Variants in TAF3 observed in about 807,000 individuals in gnomAD.
TAF3 encodes TATA-box binding protein associated factor 3.
TAF3 carries 7 observed loss-of-function variants against 80.6 expected under a neutral mutation model. The observed-to-expected ratio is 0.09, with a 90% CI of 0.05 to 0.16. The LOEUF (loss-of-function observed/expected upper bound fraction) is 0.16. Ranked by LOEUF, TAF3 falls within the 10% of genes least tolerant of loss-of-function variation. TAF3 has a pLI of 1.00. For missense variants in TAF3, 921 were observed against 1,140.2 expected (o/e 0.81, Z 2.77); for synonymous variants, 444 against 446.1 (o/e 1.00, Z 0.06).
At position 7,818,701 on chromosome 10, in the gene TAF3, C is replaced by G. The variant is rs1388030710; in HGVS notation, c.-9C>G. The G allele has an allele frequency of 6.2e-7, 1 of 1,601,968 alleles. No homozygotes were observed. Among genetic ancestry groups the G allele is most frequent in the Non-Finnish European group, 8.5e-7 (1 of 1,175,814 alleles). ...GCAGCAAGGGCTGCGGTGGCGTCCA[C>G]GCAGCGGGATGTGCGAGAGTTACTC... On this transcript the variant is annotated 5_prime_UTR_variant, in exon 1 of 7. Transcript: ENST00000344293.
Position 8,009,256 on chromosome 10 carries a change from G to T in TAF3, c.2494G>T (p.Gly832Cys). 6.5e-7 allele frequency: 1 copy of T among 1,543,832 alleles called. No individual in the cohort carries two copies. The highest frequency in any genetic ancestry group is 8.7e-7 in the Non-Finnish European group (1 of 1,148,112). Residue 832 changes from glycine (G) to cysteine (C), a missense_variant, in exon 5 of 7, where the codon GGT (glycine) becomes TGT (cysteine). Physicochemically the swap from Gly to Cys is radical, Grantham distance 159 (BLOSUM62 -3). Coordinates refer to ENST00000344293, the MANE Select transcript of TAF3 (RefSeq NM_031923.4). This position sits in a 1 kb window ranked among gnomAD's most constrained non-coding sequence, Gnocchi z 4.1. Reference sequence around the variant, plus strand: ...GGGCCCTGCCCTGCTGCCCTCCCCGGGTCCCGCCGCCTCCGGGGCCAGTGC... The same window carrying T: ...GGGCCCTGCCCTGCTGCCCTCCCCGTGTCCCGCCGCCTCCGGGGCCAGTGC... The part of the protein sequence containing the change: ...AAGPALLPSP[G>C]PAASGASAKA...
intron 2 of TAF3, among the ~76,000 whole-genome samples, chr10:7,856,851 T>G (rs1048902983): frequency 8.5e-6 from 1 of 117,216 alleles, no homozygotes; most frequent in Non-Finnish European, 1.7e-5. Flanking sequence ...GTTTAACAGC[T>G]GGTTCTCAAA....
At chr10:8,002,409 C>T (rs926536412) in intron 4 of TAF3, among the ~76,000 whole-genome samples, 2 of 152,174 alleles carry the variant, frequency 1.3e-5, no homozygotes, top group African/African-American at 4.8e-5. Flanking sequence ...ATCATGTCAT[C>T]TGGAAAATTA....
chr10:8,004,191 C>T (rs900161246), intron 4 of TAF3, among the ~76,000 whole-genome samples: 4 of 151,990 alleles, frequency 2.6e-5, no homozygotes, highest in African/African-American at 9.7e-5. Context: ...GCTGGGATTA[C>T]AGGTCTGCGC....
At chr10:7,819,216 A>G (rs961740546) in intron 1 of TAF3, among the ~76,000 whole-genome samples, 1 of 151,862 alleles carries the variant, frequency 6.6e-6, no homozygotes, top group African/African-American at 2.4e-5. Flanking sequence ...AGCGTGCCCT[A>G]CACCCTCTTT....
intron 4 of TAF3, among the ~76,000 whole-genome samples, chr10:7,995,171 T>C (rs1485775869): frequency 1.3e-5 from 2 of 152,152 alleles, no homozygotes; most frequent in African/African-American, 4.8e-5. Flanking sequence ...TACATTTCAC[T>C]ATGGATATGC....
chr10:7,893,225 T>C (rs1388503227), intron 2 of TAF3, among the ~76,000 whole-genome samples: 4 of 152,216 alleles, frequency 2.6e-5, no homozygotes, highest in Non-Finnish European at 4.4e-5. Flanking sequence ...TAGAACTTAG[T>C]ATCTTTTAAA....
chr10:7,830,695 G>A (rs1195836847), intron 2 of TAF3, among the ~76,000 whole-genome samples: 1 of 151,954 alleles, frequency 6.6e-6, no homozygotes, highest in African/African-American at 2.4e-5. Flanking sequence ...TGTTGGCCAG[G>A]CTGGTCTGGA....
chr10:8,015,927 A>C lies in TAF3; in HGVS notation c.*1176A>C. 1 of 151,890 alleles carries C rather than the reference A, an allele frequency of 6.6e-6. No homozygotes were observed. The highest frequency in any genetic ancestry group is 1.9e-4 in the East Asian group (1 of 5,202). The allele number at this position is 151,890 out of a possible 1,614,324, so 9.4% of individuals were successfully genotyped here. On this transcript the variant is annotated 3_prime_UTR_variant, in exon 7 of 7. Coordinates refer to ENST00000344293, the MANE Select transcript of TAF3 (RefSeq NM_031923.4). ...TCTTTATATTGTTTTATTTCTACAA[A>C]TCTGTTCATTAATATTGTGCTTTAA...
rs927311424 is a variant in TAF3, at chr10:8,014,791, C to A, written c.*40C>A. ...CTGGACCAAGCGGGGTCAGCCCGGGCTTCTTCCCTGGCGCCTCTGGAAGGG... is the reference window on the plus strand; with the variant it reads ...CTGGACCAAGCGGGGTCAGCCCGGGATTCTTCCCTGGCGCCTCTGGAAGGG... On this transcript the variant is annotated 3_prime_UTR_variant, in exon 7 of 7. Coordinates refer to ENST00000344293, the MANE Select transcript of TAF3 (RefSeq NM_031923.4). 3.3e-6 allele frequency: 5 copies of A among 1,525,404 alleles called. No individual in the cohort carries two copies. Among genetic ancestry groups the A allele is most frequent in the Non-Finnish European group, 4.4e-6 (5 of 1,129,622 alleles). The allele number at this position is 1,525,404 out of a possible 1,614,324, so 94.5% of individuals were successfully genotyped here.
At chr10:7,863,782 A>G (rs1246712585) in intron 2 of TAF3, among the ~76,000 whole-genome samples, 3 of 134,544 alleles carry the variant, frequency 2.2e-5, no homozygotes, top group Non-Finnish European at 3.1e-5. Flanking sequence ...ACATGTCTCC[A>G]TTTTTTAAAG....
chr10:7,845,913 A>T (rs543318829), intron 2 of TAF3, among the ~76,000 whole-genome samples: 1 of 150,206 alleles, frequency 6.7e-6, no homozygotes, highest in Non-Finnish European at 1.5e-5. Context: ...TGGTTGAAAA[A>T]GTTTGATTTC....
chr10:8,006,982 A>G (rs1832000538), intron 4 of TAF3, among the ~76,000 whole-genome samples: 1 of 152,206 alleles, frequency 6.6e-6, no homozygotes, highest in Non-Finnish European at 1.5e-5. Flanking sequence ...TAGTAGAAAG[A>G]GACAAGCTGG....
intron 2 of TAF3, among the ~76,000 whole-genome samples, chr10:7,851,720 A>G (rs1837028299): frequency 6.6e-6 from 1 of 152,162 alleles, no homozygotes; most frequent in Non-Finnish European, 1.5e-5. Flanking sequence ...ATATAACTCT[A>G]AAAGATAACT....
At chr10:7,861,194 G>T (rs1334474661) in intron 2 of TAF3, among the ~76,000 whole-genome samples, 1 of 152,144 alleles carries the variant, frequency 6.6e-6, no homozygotes, top group Non-Finnish European at 1.5e-5. Context: ...TCGATCTCCT[G>T]ACCTCGTGAT....
At chr10:7,843,810 A>G (rs750596813) in intron 2 of TAF3, among the ~76,000 whole-genome samples, 77 of 152,206 alleles carry the variant, frequency 5.1e-4, no homozygotes, top group Non-Finnish European at 8.5e-4. Flanking sequence ...ACTACATATT[A>G]TGTAGTGAAA....
At chr10:7,957,352 A>T (rs77550535) in intron 2 of TAF3, among the ~76,000 whole-genome samples, 6,610 of 152,220 alleles carry the variant, frequency 0.043, 255 homozygotes, top group Admixed American at 0.11. Flanking sequence ...CTAACTCTGG[A>T]TGTGTGCTGC....
chr10:7,963,833 TC>T, intron 2 of TAF3, 86 bp from the exon 3 acceptor site: 2 of 1,270,158 alleles, frequency 1.6e-6, no homozygotes, highest in Non-Finnish European at 2.1e-6. Context: ...AAAAAAGAAA[TC>T]ATATTTGAAG....
At position 8,004,009 on chromosome 10, in the gene TAF3, A is replaced by G. The variant is rs115890604; in HGVS notation, c.2316-5069A>G. On this transcript the variant is annotated intron_variant, in intron 4 of 6. Transcript: ENST00000344293. ...GTTCATTGTCGTTACTTTTAAATGA[A>G]TTACTAAATATTTTTAAACTTTTCA... Among the ~76,000 whole-genome samples the G allele has an allele frequency of 7.9e-3, 1,209 of 152,240 alleles. 14 individuals are homozygous for G. Among genetic ancestry groups the G allele is most frequent in the African/African-American group, 0.027 (1,141 of 41,534 alleles).
Sources: gnomAD v4.1 joint callset for allele counts (sites outside exome capture counted in the v4.1 genomes callset) on GRCh38, gnomAD v4.1.1 for gene constraint, Gnocchi (gnomAD v3.1) non-coding constraint, MANE v1.5 for transcripts, NCBI Gene and HGNC (gene_info 2026-07-23, HGNC 2026-07-21) for gene names.